RNF212: variants seen among roughly 807,000 people sequenced by gnomAD.
RNF212 encodes probable E3 SUMO-protein ligase RNF212.
In RNF212, 33 loss-of-function variants were observed where a neutral mutation model predicts 34.7. That is an observed-to-expected ratio of 0.95 (90% CI 0.72 to 1.27). RNF212 has a LOEUF of 1.27. RNF212 is among the 50% of genes most tolerant of loss of function. The pLI is 0.00. For synonymous variants in RNF212, 140 were observed against 136.1 expected, an observed-to-expected ratio of 1.03 and a Z score of -0.20; for missense variants, 377 against 362.2, an observed-to-expected ratio of 1.04 and a Z score of -0.33.
chr4:1,091,742 TGG>T (rs1327927782), intron 3 of RNF212, among the ~76,000 whole-genome samples: 2 of 152,192 alleles, frequency 1.3e-5, no homozygotes. Flanking sequence ...CTCCAGAGGA[TGG>T]GGCTGCACAG....
intron 8 of RNF212, among the ~76,000 whole-genome samples, chr4:1,079,397 G>C (rs531634569): frequency 2.4e-4 from 37 of 152,344 alleles, no homozygotes; most frequent in Middle Eastern, 6.8e-3. Context: ...CACCTCGTCC[G>C]CATTTGCTTT....
chr4:1,093,541 C>CAT (rs555719638), intron 3 of RNF212: 1 of 1,534,238 alleles, frequency 6.5e-7, no homozygotes, highest in Non-Finnish European at 8.7e-7. Context: ...GAGCCTGTGA[C>CAT]CTCCACGGCC....
intron 9 of RNF212, among the ~76,000 whole-genome samples, 195 bp downstream of exon 9, chr4:1,073,404 C>T (rs149876577): frequency 1.2e-4 from 19 of 152,208 alleles, no homozygotes; most frequent in African/African-American, 4.6e-4. Context: ...ACTTGTTACA[C>T]GGTCATCAGG....
At chr4:1,075,621 G>A (rs1719170402) in intron 8 of RNF212, among the ~76,000 whole-genome samples, 1 of 152,250 alleles carries the variant, frequency 6.6e-6, no homozygotes, top group African/African-American at 2.4e-5. Flanking sequence ...AATTCCACAT[G>A]AGATTCGGGC....
At chr4:1,077,452 TA>T (rs961920999) in intron 8 of RNF212, among the ~76,000 whole-genome samples, 7 of 152,128 alleles carry the variant, frequency 4.6e-5, no homozygotes, top group African/African-American at 1.7e-4. Flanking sequence ...AGGCTGGTCT[TA>T]AACTCCTGGG....
intron 3 of RNF212, chr4:1,093,164 C>T (rs545189502): frequency 6.0e-5 from 13 of 216,232 alleles, no homozygotes; most frequent in East Asian, 2.9e-4. Flanking sequence ...TGTCCCAGGG[C>T]AGGTCCTGAG....
chr4:1,083,027 C>T lies in RNF212; in HGVS notation c.363-1408G>A, dbSNP rs768557306. On this transcript the variant is annotated intron_variant, in intron 5 of 9. Coordinates refer to ENST00000433731, the MANE Select transcript of RNF212 (RefSeq NM_001131034.4). ...GGGCAAGACGGGGTCGGGGGCGCAG[C>T]GGTCTGGGGCGGGTCAGCTGGGCTG... 3.2e-4 allele frequency among the ~76,000 whole-genome samples: 48 copies of T among 152,232 alleles called. No homozygotes were observed. The Middle Eastern group carries it at 0.01, about 32-fold the overall frequency.
At chr4:1,110,890 G>C (rs183786127) in intron 1 of RNF212, among the ~76,000 whole-genome samples, 1 of 152,234 alleles carries the variant, frequency 6.6e-6, no homozygotes, top group East Asian at 1.9e-4. Context: ...CAGACTACTG[G>C]AATCTGTGTT....
intron 2 of RNF212, among the ~76,000 whole-genome samples, chr4:1,102,020 CAAAGATA>C (rs899929588): frequency 6.6e-6 from 1 of 151,970 alleles, no homozygotes; most frequent in Non-Finnish European, 1.5e-5. Context: ...TATCAAAATT[CAAAGATA>C]AAAATATAGT....
In RNF212 at chr4:1,093,878, C is replaced by T. The variant is rs73792266; in HGVS notation, c.246+2887G>A. On this transcript the variant is annotated intron_variant, in intron 3 of 9. Transcript: ENST00000433731. ...CCGCCGGCATCCTGGTCTGGGTGCC[C>T]GTGTTGTGCTGACCCAGTGTTCTTG... 6.7e-4 allele frequency: 1,031 copies of T among 1,536,074 alleles called. 13 individuals carry two copies. In the African/African-American group the frequency reaches 0.012, roughly 18 times the overall value.
At chr4:1,074,604 CCTACT>C (rs1718978924) in intron 8 of RNF212, among the ~76,000 whole-genome samples, 1 of 152,158 alleles carries the variant, frequency 6.6e-6, no homozygotes, top group South Asian at 2.1e-4. Context: ...GTCCTCCACT[CCTACT>C]CACTGGCAAG....
intron 5 of RNF212, among the ~76,000 whole-genome samples, chr4:1,084,683 C>T (rs1381554395): frequency 7.0e-6 from 1 of 142,390 alleles, no homozygotes; most frequent in East Asian, 2.1e-4. Flanking sequence ...GCTGAGATCA[C>T]GCCACTGCAC....
chr4:1,113,656 G>A, upstream of RNF212: 1 of 483,770 alleles, frequency 2.1e-6, no homozygotes, highest in South Asian at 2.9e-5. Flanking sequence ...CACCTGGGAG[G>A]GCGCGTGTGA....
chr4:1,091,552 C>T (rs1722186546), intron 3 of RNF212, among the ~76,000 whole-genome samples: 1 of 152,204 alleles, frequency 6.6e-6, no homozygotes, highest in African/African-American at 2.4e-5. Flanking sequence ...CCTCTAGCTC[C>T]ATCCCCCACT....
chr4:1,062,753 AG>A (rs780357873), intron 3 of RNF212, among the ~76,000 whole-genome samples: 3 of 152,238 alleles, frequency 2.0e-5, no homozygotes, highest in Admixed American at 6.5e-5. Flanking sequence ...GTGGTTGGAA[AG>A]GAAAAAGTAA....
intron 3 of RNF212, among the ~76,000 whole-genome samples, chr4:1,065,849 G>T (rs1718059268): frequency 6.6e-6 from 1 of 151,348 alleles, no homozygotes; most frequent in Non-Finnish European, 1.5e-5. Flanking sequence ...GCCTCCCAAA[G>T]TGCTGGGATT....
At position 1,113,469 on chromosome 4, in the gene RNF212, G is replaced by A; in HGVS notation, c.-5C>T. Reference sequence around the variant, plus strand: ...ACAGAACACCCAGTTGGCCATGCCAGGCGGGCGACCGCAGCGGCGAGGCCG... The same window carrying A: ...ACAGAACACCCAGTTGGCCATGCCAAGCGGGCGACCGCAGCGGCGAGGCCG... On this transcript the variant is annotated 5_prime_UTR_variant, in exon 1 of 10. Coordinates refer to ENST00000433731, the MANE Select transcript of RNF212 (RefSeq NM_001131034.4). 6.2e-7 allele frequency: 1 copy of A among 1,604,906 alleles called. No individual in the cohort carries two copies. Among genetic ancestry groups the A allele is most frequent in the Non-Finnish European group, 8.5e-7 (1 of 1,176,784 alleles).
chr4:1,059,837 G>A (rs1717624314), intron 3 of RNF212, among the ~76,000 whole-genome samples: 1 of 152,244 alleles, frequency 6.6e-6, no homozygotes, highest in African/African-American at 2.4e-5. Flanking sequence ...GCTCATGCCT[G>A]TAATCCCAGC....
Position 1,076,781 on chromosome 4 carries a change from A to G in RNF212, c.510+2862T>C, listed in dbSNP as rs201178648. Among the ~76,000 whole-genome samples, 12 of 152,338 alleles carry G rather than the reference A, an allele frequency of 7.9e-5. No individual in the cohort carries two copies. In the East Asian group the frequency reaches 2.3e-3, roughly 29 times the overall value. On this transcript the variant is annotated intron_variant, in intron 8 of 9. Transcript: ENST00000433731. ...GGTGTGGCACAGGGGTTGGCAAACTATGGCCTGCAGCCTGTTTTTGTTAAT... is the reference window on the plus strand; with the variant it reads ...GGTGTGGCACAGGGGTTGGCAAACTGTGGCCTGCAGCCTGTTTTTGTTAAT...
Sources: gnomAD v4.1 joint callset for allele counts (sites outside exome capture counted in the v4.1 genomes callset) on GRCh38, gnomAD v4.1.1 for gene constraint, MANE v1.5 for transcripts, NCBI Gene and HGNC (gene_info 2026-07-23, HGNC 2026-07-21) for gene names.